The following NIPBL variants were observed in gnomAD, a reference collection of about 807,000 sequenced individuals.
The protein encoded by NIPBL is NIPBL cohesin loading factor.
NIPBL carries 19 observed loss-of-function variants against 321.8 expected under a neutral mutation model. The observed-to-expected ratio is 0.06, with a 90% confidence interval of 0.04 to 0.09. The LOEUF (loss-of-function observed/expected upper bound fraction) is 0.09, where lower values mean the gene tolerates loss of function less well. Ranked by LOEUF, NIPBL falls within the 10% of genes least tolerant of loss-of-function variation. The pLI, the probability that NIPBL is intolerant of heterozygous loss-of-function variation, is 1.00. For synonymous variants in NIPBL, 1,106 were observed against 1,114.1 expected, an observed-to-expected ratio of 0.99 and a Z score of 0.14; for missense variants, 2,210 against 3,327.0, an observed-to-expected ratio of 0.66 and a Z score of 8.26.
At chr5:37,007,543 A>T in intron 18 of NIPBL, 69 bp downstream of exon 18, 1 of 1,084,492 alleles carries the variant, frequency 9.2e-7, no homozygotes, top group African/African-American at 1.6e-5. Flanking sequence ...AACCTAGCTC[A>T]CTCAATAATA....
chr5:36,980,194 A>G (rs1743975243), intron 9 of NIPBL, among the ~76,000 whole-genome samples: 1 of 151,784 alleles, frequency 6.6e-6, no homozygotes, highest in Non-Finnish European at 1.5e-5. Context: ...CTGTTCTTGT[A>G]GAAACTTGTA....
At chr5:36,880,238 A>G (rs536218382) in intron 1 of NIPBL, among the ~76,000 whole-genome samples, 191 of 152,106 alleles carry the variant, frequency 1.3e-3, no homozygotes, top group African/African-American at 4.4e-3. Flanking sequence ...GTACCAATCC[A>G]TCATCAAACT....
intron 21 of NIPBL, among the ~76,000 whole-genome samples, chr5:37,013,706 T>C (rs1420938016): frequency 1.3e-5 from 2 of 150,622 alleles, no homozygotes; most frequent in East Asian, 3.9e-4. Context: ...CGGGCAGAGA[T>C]GCTCCTCACT....
intron 32 of NIPBL, among the ~76,000 whole-genome samples, chr5:37,028,607 C>G (rs1750597365): frequency 6.6e-6 from 1 of 152,156 alleles, no homozygotes; most frequent in Non-Finnish European, 1.5e-5. Context: ...TCCCAAAGTG[C>G]TGAGATACAG....
chr5:36,892,888 T>C (rs1048413325), intron 1 of NIPBL, among the ~76,000 whole-genome samples: 3 of 152,158 alleles, frequency 2.0e-5, no homozygotes, highest in Admixed American at 6.5e-5. Flanking sequence ...TGTATACATA[T>C]GTAACAAACC....
chr5:37,047,990 A>T lies in NIPBL; in HGVS notation c.6590-512A>T, dbSNP rs1037262971. The stretch of plus-strand genomic sequence containing the variant: ...TGTTTCATCAAATGAATATATTTTA[A>T]TTTTTTTTTTAAAATAATGTCAATG... On this transcript the variant is annotated intron_variant, in intron 38 of 46. Transcript: ENST00000282516. Among the ~76,000 whole-genome samples the T allele has an allele frequency of 1.6e-4, 24 of 151,036 alleles. No individual in the cohort carries two copies. In the South Asian group the frequency reaches 1.9e-3, roughly 12 times the overall value.
intron 15 of NIPBL, 32 bp from the exon 16 acceptor site, chr5:37,003,229 C>G (rs367763532): frequency 1.6e-6 from 2 of 1,226,494 alleles, no homozygotes; most frequent in African/African-American, 3.0e-5. Flanking sequence ...CTTTTACCAA[C>G]GATTGATAAA....
chr5:36,924,209 C>T (rs1749176338), intron 1 of NIPBL, among the ~76,000 whole-genome samples: 1 of 152,098 alleles, frequency 6.6e-6, no homozygotes, highest in South Asian at 2.1e-4. Context: ...GTTACAACTG[C>T]AGTAAGCATG....
chr5:36,898,017 AACAGATT>A (rs1746903152), intron 1 of NIPBL, among the ~76,000 whole-genome samples: 1 of 152,180 alleles, frequency 6.6e-6, no homozygotes, highest in Non-Finnish European at 1.5e-5. Context: ...AGGAAAAAAT[AACAGATT>A]ACAGTATTAT....
At position 36,953,751 on chromosome 5, in the gene NIPBL, C is replaced by G; in HGVS notation, c.55C>G (p.Leu19Val). 1 of 1,612,882 alleles carries G rather than the reference C, an allele frequency of 6.2e-7. No homozygotes were observed. The highest frequency in any genetic ancestry group is 1.1e-5 in the South Asian group (1 of 91,062). Residue 19 changes from leucine to valine, a missense_variant, in exon 2 of 47, where the codon CTC becomes GTC. Transcript: ENST00000282516. ...PITTLAGIAS[L>V]TDLLNQLPLP... ...TACTACTCTTGCGGGGATTGCTAGT[C>G]TCACAGACCGTAAGTTTGGTTAATT...
chr5:36,992,992 C>T (rs298970), intron 10 of NIPBL, among the ~76,000 whole-genome samples: 6,340 of 152,064 alleles, frequency 0.042, 454 homozygotes, highest in African/African-American at 0.14. Flanking sequence ...CCACCCACCT[C>T]GGCCTCCCAA....
chr5:36,928,069 CT>C (rs1432451487), intron 1 of NIPBL, among the ~76,000 whole-genome samples: 1 of 152,080 alleles, frequency 6.6e-6, no homozygotes, highest in East Asian at 1.9e-4. Context: ...AGTCAGGAGA[CT>C]GGGAAGCTTT....
chr5:37,023,525 G>T (rs959389202), intron 29 of NIPBL, among the ~76,000 whole-genome samples: 8 of 151,800 alleles, frequency 5.3e-5, no homozygotes, highest in African/African-American at 1.9e-4. Flanking sequence ...TTCTTTTCTT[G>T]TGAACACTTC....
chr5:36,894,519 T>G (rs909822627), intron 1 of NIPBL, among the ~76,000 whole-genome samples: 2 of 152,194 alleles, frequency 1.3e-5, no homozygotes, highest in Non-Finnish European at 2.9e-5. Context: ...CTATGCACTT[T>G]GATAGCTCTA....
chr5:36,934,957 G>A (rs114226421), intron 1 of NIPBL, among the ~76,000 whole-genome samples: 2,349 of 152,122 alleles, frequency 0.015, 27 homozygotes, highest in Non-Finnish European at 0.02. Context: ...CTCACCATGC[G>A]CGTTGAATGT....
chr5:36,888,924 C>T lies in NIPBL; in HGVS notation c.-80+11746C>T, dbSNP rs578251253. ...AAGAAGTAATATGTGCTATATTTTG[C>T]TCTAGTGCCAAGTACCATATTTTGG... On this transcript the variant is annotated intron_variant, in intron 1 of 46. Transcript: ENST00000282516. Among the ~76,000 whole-genome samples, 4 of 152,188 alleles carry T rather than the reference C, an allele frequency of 2.6e-5. No homozygotes were observed. The East Asian group carries it at 5.8e-4, about 22-fold the overall frequency.
chr5:37,019,187 A>T, intron 24 of NIPBL, 124 bp from the exon 25 acceptor site: 2 of 697,844 alleles, frequency 2.9e-6, no homozygotes, highest in Admixed American at 2.3e-5. Flanking sequence ...TTTTCCTTTT[A>T]GTTACTGTGG....
chr5:37,011,587 ACT>A (rs914891314), intron 21 of NIPBL, among the ~76,000 whole-genome samples: 10 of 151,750 alleles, frequency 6.6e-5, no homozygotes, highest in African/African-American at 2.2e-4. Context: ...AAAGTCAAAT[ACT>A]CTCTGAAAAG....
At chr5:36,937,149 A>G (rs1738526370) in intron 1 of NIPBL, among the ~76,000 whole-genome samples, 2 of 152,162 alleles carry the variant, frequency 1.3e-5, no homozygotes, top group Non-Finnish European at 2.9e-5. Context: ...CCTCTCATTC[A>G]TTTATGTATT....
Sources: allele counts gnomAD v4.1 joint callset (sites outside exome capture counted in the v4.1 genomes callset), GRCh38; gene constraint gnomAD v4.1.1; transcripts MANE v1.5; gene names NCBI Gene and HGNC (gene_info 2026-07-23, HGNC 2026-07-21).